Variants in MAGI1 observed in about 807,000 individuals in gnomAD.
MAGI1 encodes membrane associated guanylate kinase, WW and PDZ domain containing 1.
MAGI1 carries 58 observed loss-of-function variants against 139.9 expected under a neutral mutation model. The ratio of observed to expected loss-of-function variants is 0.41; its 90% CI spans 0.34 to 0.52. The LOEUF (loss-of-function observed/expected upper bound fraction) is 0.52. Ranked by LOEUF, MAGI1 falls within the 20% of genes least tolerant of loss-of-function variation. The probability of loss-of-function intolerance (pLI) is 0.12; values close to 1 mark genes in which losing one functional copy is unlikely to be tolerated. For missense variants in MAGI1, 1,874 were observed against 1,901.6 expected (o/e 0.99, Z 0.27); for synonymous variants, 812 against 737.9 (o/e 1.10, Z -1.63).
rs530631688 is a variant in MAGI1 at position 65,973,751 on chromosome 3, T to C, written c.313+64245A>G. 2.6e-5 allele frequency among the ~76,000 whole-genome samples: 4 copies of C among 152,340 alleles called. No homozygotes were observed. In the East Asian group the frequency reaches 7.7e-4, roughly 29 times the overall value. On this transcript the variant is annotated intron_variant, in intron 1 of 22. Coordinates refer to ENST00000402939, the MANE Select transcript of MAGI1 (RefSeq NM_001033057.2). ...GATTAATAAAAGAAATGTACATAAA[T>C]TGCTTAGCACAGAGTATGGCATAGA...
chr3:65,398,962 T>C (rs1944629877), intron 13 of MAGI1, among the ~76,000 whole-genome samples: 1 of 151,954 alleles, frequency 6.6e-6, no homozygotes, highest in Admixed American at 6.6e-5. Context: ...AGTCCTTCTG[T>C]TCTAATAAAA....
intron 3 of MAGI1, among the ~76,000 whole-genome samples, chr3:65,486,598 G>A (rs896517490): frequency 2.6e-5 from 4 of 152,218 alleles, no homozygotes; most frequent in African/African-American, 9.6e-5. Context: ...GGAAAGATGT[G>A]CTTATTCTTG....
intron 17 of MAGI1, among the ~76,000 whole-genome samples, chr3:65,376,619 C>T (rs1460627627): frequency 2.0e-5 from 3 of 152,186 alleles, no homozygotes; most frequent in Non-Finnish European, 4.4e-5. Context: ...AGGACCTTTG[C>T]TCAAGCAGCT....
chr3:65,715,376 G>A (rs1006984305), intron 1 of MAGI1, among the ~76,000 whole-genome samples: 8 of 152,158 alleles, frequency 5.3e-5, no homozygotes, highest in African/African-American at 1.9e-4. Context: ...TTTGGTTTTA[G>A]TAATACAGGT....
intron 12 of MAGI1, among the ~76,000 whole-genome samples, chr3:65,406,477 G>T (rs906633150): frequency 1.3e-5 from 2 of 152,048 alleles, no homozygotes; most frequent in African/African-American, 4.8e-5. Context: ...ATGGATCTAC[G>T]CATAAGAAAA....
At chr3:66,034,078 C>T (rs975596509) in intron 1 of MAGI1, among the ~76,000 whole-genome samples, 2 of 152,102 alleles carry the variant, frequency 1.3e-5, no homozygotes, top group African/African-American at 4.8e-5. Flanking sequence ...TAAAACTGAA[C>T]CCTTGAATCC....
chr3:65,900,900 T>C (rs1029757855), intron 1 of MAGI1, among the ~76,000 whole-genome samples: 1 of 152,154 alleles, frequency 6.6e-6, no homozygotes, highest in African/African-American at 2.4e-5. Flanking sequence ...AAGTATATGC[T>C]AGGAGTGTGG....
chr3:65,598,244 G>A (rs893255071), intron 2 of MAGI1, among the ~76,000 whole-genome samples: 6 of 152,130 alleles, frequency 3.9e-5, no homozygotes, highest in Non-Finnish European at 5.9e-5. Flanking sequence ...GGGACTGAGC[G>A]AGCCTCTCCC....
At chr3:65,498,455 C>T (rs1006462016) in intron 2 of MAGI1, among the ~76,000 whole-genome samples, 2 of 152,108 alleles carry the variant, frequency 1.3e-5, no homozygotes, top group South Asian at 2.1e-4. Context: ...AAATATATAA[C>T]GCTGGGAAAA....
intron 1 of MAGI1, among the ~76,000 whole-genome samples, chr3:65,630,776 A>G (rs1265307519): frequency 4.6e-5 from 7 of 152,194 alleles, no homozygotes; most frequent in African/African-American, 1.7e-4. Flanking sequence ...CTGCTCAGTG[A>G]CATGTGCACT....
intron 18 of MAGI1, among the ~76,000 whole-genome samples, chr3:65,365,496 T>C (rs1223987103): frequency 1.3e-5 from 2 of 152,226 alleles, no homozygotes; most frequent in Non-Finnish European, 2.9e-5. Context: ...ACTGAAAATA[T>C]GGAACTCCTG....
At chr3:65,918,068 T>C (rs2061992416) in intron 1 of MAGI1, among the ~76,000 whole-genome samples, 1 of 152,188 alleles carries the variant, frequency 6.6e-6, no homozygotes, top group Non-Finnish European at 1.5e-5. Context: ...CTCTCAATTT[T>C]ATTGTGAATC....
At chr3:65,960,446 A>C (rs981193390) in intron 1 of MAGI1, among the ~76,000 whole-genome samples, 34 of 152,308 alleles carry the variant, frequency 2.2e-4, no homozygotes, top group African/African-American at 7.9e-4. Flanking sequence ...AAAGAACTGA[A>C]GAAGGGTGGG....
intron 1 of MAGI1, among the ~76,000 whole-genome samples, chr3:66,022,885 G>A (rs182937529): frequency 4.6e-5 from 7 of 152,326 alleles, no homozygotes; most frequent in Admixed American, 4.6e-4. Flanking sequence ...GAACTTAACT[G>A]TGCATTTGCA....
At chr3:65,977,143 A>G (rs2065304596) in intron 1 of MAGI1, among the ~76,000 whole-genome samples, 1 of 152,104 alleles carries the variant, frequency 6.6e-6, no homozygotes, top group Non-Finnish European at 1.5e-5. Context: ...TTTCCATCTA[A>G]CTTGTGCTTT....
chr3:66,008,562 G>T (rs1209613961), intron 1 of MAGI1, among the ~76,000 whole-genome samples: 2 of 152,210 alleles, frequency 1.3e-5, no homozygotes, highest in Non-Finnish European at 2.9e-5. Context: ...ATACAACTGA[G>T]TGGCAAGTGC....
intron 1 of MAGI1, among the ~76,000 whole-genome samples, chr3:65,940,540 T>C (rs1411416004): frequency 6.6e-6 from 1 of 152,188 alleles, no homozygotes; most frequent in Admixed American, 6.5e-5. Context: ...TCCACCCCTA[T>C]GATCTAAATA....
intron 1 of MAGI1, among the ~76,000 whole-genome samples, chr3:65,996,021 G>A (rs1161556406): frequency 6.6e-6 from 1 of 151,940 alleles, no homozygotes; most frequent in African/African-American, 2.4e-5. Flanking sequence ...AAACAAAAAC[G>A]GGATCTTTTT....
intron 1 of MAGI1, among the ~76,000 whole-genome samples, chr3:65,663,802 G>A (rs1477114400): frequency 6.6e-6 from 1 of 152,070 alleles, no homozygotes. Flanking sequence ...AAACCCACTA[G>A]GTCAGTAGTC....
Sources: gnomAD v4.1 joint callset for allele counts (sites outside exome capture counted in the v4.1 genomes callset) on GRCh38, gnomAD v4.1.1 for gene constraint, MANE v1.5 for transcripts, NCBI Gene and HGNC (gene_info 2026-07-23, HGNC 2026-07-21) for gene names.